Variants in MTMR4 observed in about 807,000 individuals in gnomAD.
The protein encoded by MTMR4 is phosphatidylinositol-3,5-bisphosphate 3-phosphatase MTMR4.
Under a neutral mutation model 125.5 loss-of-function variants are expected in MTMR4, and 30 were observed. The ratio of observed to expected loss-of-function variants is 0.24; its 90% CI spans 0.18 to 0.32. The LOEUF is 0.32. MTMR4 is among the 10% of genes least tolerant of loss of function. The pLI is 1.00. For missense variants in MTMR4, 1,039 were observed against 1,511.5 expected (o/e 0.69, Z 5.18); for synonymous variants, 498 against 564.5 (o/e 0.88, Z 1.67).
At chr17:58,497,247 C>T (rs949873642) in intron 14 of MTMR4, among the ~76,000 whole-genome samples, 3 of 152,166 alleles carry the variant, frequency 2.0e-5, no homozygotes, top group East Asian at 1.9e-4. Flanking sequence ...GCAGTTACAA[C>T]GCAGCTTATT....
Position 58,495,905 on chromosome 17 carries a change from T to C in MTMR4, c.2279A>G (p.Asp760Gly). 1 of 1,614,230 alleles carries C rather than the reference T, an allele frequency of 6.2e-7. No homozygotes were observed. Among genetic ancestry groups the C allele is most frequent in the Non-Finnish European group, 8.5e-7 (1 of 1,180,042 alleles). The change falls in exon 15 of 18, where the codon GAT (aspartate) becomes GGT (glycine). Residue 760 changes from aspartate to glycine, a missense_variant. Physicochemically the swap from Asp to Gly is moderately conservative, Grantham distance 94. Coordinates refer to ENST00000682306, the MANE Select transcript of MTMR4 (RefSeq NM_001378067.1). Reference protein sequence around the residue: ...SAQDELGRTLDGIGEPPEHCP... With the variant: ...SAQDELGRTLGGIGEPPEHCP... ...ATGTTCAGGTGGCTCCCCTATGCCA[T>C]CTAAAGTCCTACCCAGCTCATCCTG...
At chr17:58,507,918 T>TAC (rs57157273) in intron 7 of MTMR4, 4,269 of 342,228 alleles carry the variant, frequency 0.012, 12 homozygotes, top group Non-Finnish European at 0.015. Flanking sequence ...TACTATTTTA[T>TAC]ACACACACAC....
intron 16 of MTMR4, 66 bp from the exon 17 acceptor site, chr17:58,492,665 G>A (rs1386760726): frequency 2.7e-6 from 4 of 1,495,758 alleles, no homozygotes; most frequent in Non-Finnish European, 3.7e-6. Context: ...ACATTGCAAT[G>A]AGGAAAGCAC....
At chr17:58,505,800 C>T (rs545111496) in intron 9 of MTMR4, among the ~76,000 whole-genome samples, 6 of 152,252 alleles carry the variant, frequency 3.9e-5, no homozygotes, top group African/African-American at 7.2e-5. Context: ...CCCAGCTACT[C>T]GGGAGACTGA....
intron 4 of MTMR4, chr17:58,510,817 T>A (rs1303394765): frequency 6.6e-6 from 1 of 152,220 alleles, no homozygotes; most frequent in East Asian, 1.9e-4. Flanking sequence ...GCTGAAGGGA[T>A]CTTCCCACCT....
intron 15 of MTMR4, among the ~76,000 whole-genome samples, chr17:58,493,791 G>A (rs1975377943): frequency 6.6e-6 from 1 of 151,912 alleles, no homozygotes; most frequent in African/African-American, 2.4e-5. Context: ...CACCAGAGAA[G>A]TGAGAAGCAG....
rs774741419 is a variant in MTMR4 at position 58,491,523 on chromosome 17, A to C, written c.*140T>G. 132 of 865,344 alleles carry C rather than the reference A, an allele frequency of 1.5e-4. 1 individual carries two copies. The highest frequency in any genetic ancestry group is 1.5e-3 in the Middle Eastern group (4 of 2,742). 53.6% of individuals were successfully genotyped at this position (865,344 alleles called of 1,614,324 possible). On this transcript the variant is annotated 3_prime_UTR_variant, in exon 18 of 18. Coordinates refer to ENST00000682306, the MANE Select transcript of MTMR4 (RefSeq NM_001378067.1). ...ATTGCAATTCCTCTGCTCCAGTTTC[A>C]TGATACCAAGGAGGATTTCTCAAGA... is the stretch of plus-strand genomic sequence containing the variant.
Position 58,491,517 on chromosome 17 carries a change from A to G in MTMR4, c.*146T>C. On this transcript the variant is annotated 3_prime_UTR_variant, in exon 18 of 18. Coordinates refer to ENST00000682306, the MANE Select transcript of MTMR4 (RefSeq NM_001378067.1). ...TGCTAAATTGCAATTCCTCTGCTCC[A>G]GTTTCATGATACCAAGGAGGATTTC... 1.2e-6 allele frequency: 1 copy of G among 810,928 alleles called. No individual in the cohort carries two copies. Among genetic ancestry groups the G allele is most frequent in the South Asian group, 2.0e-5 (1 of 50,996 alleles). The allele number at this position is 810,928 out of a possible 1,614,324, so 50.2% of individuals were successfully genotyped here. A position where few individuals can be genotyped will look rare whatever the true frequency, so the allele number is the denominator to read the frequency against.
rs753733567 is a variant in MTMR4 at position 58,504,266 on chromosome 17, TC to T, written c.1527+36del. On this transcript the variant is annotated intron_variant, in intron 12 of 17. Coordinates refer to ENST00000682306, the MANE Select transcript of MTMR4 (RefSeq NM_001378067.1). The surrounding 1 kb of genome is among the most constrained non-coding windows in gnomAD (Gnocchi z 7.1). ...GCACCTGGGGGCCTCGGGCTGTCAT[TC>T]CCCCCATCCCTGTTGTCACAGGCCT... 3 of 1,603,630 alleles carry T rather than the reference TC, an allele frequency of 1.9e-6. No homozygotes were observed. The highest frequency in any genetic ancestry group is 2.6e-6 in the Non-Finnish European group (3 of 1,171,710).
chr17:58,518,414 G>A (rs901607621), upstream of MTMR4, among the ~76,000 whole-genome samples: 1 of 152,226 alleles, frequency 6.6e-6, no homozygotes, highest in Non-Finnish European at 1.5e-5. Flanking sequence ...AGAAAAACCT[G>A]CAGGCTAAGA....
chr17:58,503,643 C>G, intron 14 of MTMR4, 101 bp downstream of exon 14: 1 of 1,411,274 alleles, frequency 7.1e-7, no homozygotes, highest in South Asian at 1.5e-5. Context: ...AAGTGAGATT[C>G]CGTCTCAAAA....
intron 7 of MTMR4, 94 bp from the exon 8 acceptor site, chr17:58,507,413 G>C (rs1975807581): frequency 8.7e-7 from 1 of 1,147,020 alleles, no homozygotes; most frequent in Non-Finnish European, 1.2e-6. Context: ...GAGCCAGCAG[G>C]GGCTACCAAC....
In MTMR4 at chr17:58,504,714, G is replaced by A; in HGVS notation, c.1341+65C>T. On this transcript the variant is annotated intron_variant, in intron 11 of 17. Transcript: ENST00000682306. This position sits in a 1 kb window ranked among gnomAD's most constrained non-coding sequence, Gnocchi z 7.1. ...CTGAAAGATCCCCAGGACAGATCCA[G>A]AGGGCTCAACACCTTCCCTCCTGCC... 1 of 1,516,672 alleles carries A rather than the reference G, an allele frequency of 6.6e-7. No homozygotes were observed. Among genetic ancestry groups the A allele is most frequent in the Admixed American group, 2.0e-5 (1 of 51,002 alleles). The allele number at this position is 1,516,672 out of a possible 1,614,324, so 94.0% of individuals were successfully genotyped here.
upstream of MTMR4, among the ~76,000 whole-genome samples, chr17:58,514,778 G>A (rs1976040672): frequency 6.6e-6 from 1 of 152,102 alleles, no homozygotes; most frequent in South Asian, 2.1e-4. Flanking sequence ...CCCTACTCCA[G>A]GGACCTTTAG....
At chr17:58,511,587 T>C in intron 3 of MTMR4, 76 bp from the exon 4 acceptor site, 1 of 1,237,286 alleles carries the variant, frequency 8.1e-7, no homozygotes, top group Admixed American at 1.9e-5. Flanking sequence ...GCGTAGGCAC[T>C]AATGTATCAA....
Position 58,512,448 on chromosome 17 carries a change from G to A in MTMR4, c.194C>T (p.Ala65Val). 6.2e-7 allele frequency: 1 copy of A among 1,614,164 alleles called. No homozygotes were observed. Among genetic ancestry groups the A allele is most frequent in the Non-Finnish European group, 8.5e-7 (1 of 1,180,030 alleles). ...GVEFLGRAAD[A>V]LIAISNYRLH... ...CCGGTAGTTAGAGATGGCAATGAGGGCATCGGCTGCCCGGCCCAGGAACTC... is the reference window on the plus strand; with the variant it reads ...CCGGTAGTTAGAGATGGCAATGAGGACATCGGCTGCCCGGCCCAGGAACTC... Residue 65 changes from alanine (A) to valine (V), a missense_variant, in exon 3 of 18, where the codon GCC (alanine) becomes GTC (valine). Coordinates refer to ENST00000682306, the MANE Select transcript of MTMR4 (RefSeq NM_001378067.1). The surrounding 1 kb of genome is among the most constrained non-coding windows in gnomAD (Gnocchi z 4.1).
intron 14 of MTMR4, among the ~76,000 whole-genome samples, chr17:58,498,073 C>CA (rs1264568813): frequency 6.6e-6 from 1 of 151,980 alleles, no homozygotes; most frequent in African/African-American, 2.4e-5. Flanking sequence ...ACTAAAAATA[C>CA]AAAAACTAGC....
At chr17:58,516,694 T>A, upstream of MTMR4, 1 of 1,272,980 alleles carries the variant, frequency 7.9e-7, no homozygotes, top group Non-Finnish European at 1.1e-6. Context: ...GACACACATC[T>A]ACCCCTGACC....
upstream of MTMR4, among the ~76,000 whole-genome samples, chr17:58,514,783 C>T (rs1476879160): frequency 6.6e-6 from 1 of 152,112 alleles, no homozygotes; most frequent in Non-Finnish European, 1.5e-5. Context: ...CTCCAGGGAC[C>T]TTTAGGAGCT....
Sources: allele counts gnomAD v4.1 joint callset (sites outside exome capture counted in the v4.1 genomes callset), GRCh38; gene constraint gnomAD v4.1.1; non-coding constraint Gnocchi (gnomAD v3.1); transcripts MANE v1.5; gene names NCBI Gene and HGNC (gene_info 2026-07-23, HGNC 2026-07-21).